CORO7: variants seen among roughly 807,000 people sequenced by gnomAD.
CORO7 encodes the protein coronin-7.
In CORO7, 107 loss-of-function variants were observed where a neutral mutation model predicts 126.6. That is an observed-to-expected ratio of 0.85 (90% CI 0.72 to 0.99). The LOEUF is 0.99. Ranked by LOEUF, CORO7 falls within the 50% of genes least tolerant of loss-of-function variation. The pLI is 0.00. For synonymous variants in CORO7, 603 were observed against 536.8 expected (o/e 1.12, Z -1.70); for missense variants, 1,314 against 1,255.8 (o/e 1.05, Z -0.70).
At chr16:4,403,052 TC>T (rs1205174194) in intron 6 of CORO7, among the ~76,000 whole-genome samples, 2 of 151,832 alleles carry the variant, frequency 1.3e-5, no homozygotes, top group African/African-American at 4.8e-5. Flanking sequence ...TGGTGGAAAG[TC>T]CCATGACCCC....
At chr16:4,379,257 G>A (rs1490395265) in intron 9 of CORO7, among the ~76,000 whole-genome samples, 2 of 152,068 alleles carry the variant, frequency 1.3e-5, no homozygotes, top group Non-Finnish European at 2.9e-5. Context: ...CACTGGGCAG[G>A]ATGCTTCCTG....
At chr16:4,406,177 T>A (rs913179687) in intron 5 of CORO7, among the ~76,000 whole-genome samples, 2 of 152,178 alleles carry the variant, frequency 1.3e-5, no homozygotes, top group East Asian at 3.9e-4. Flanking sequence ...TTTTTGTATT[T>A]TTAGCAGGGA....
At chr16:4,388,152 G>C (rs775424151) in intron 8 of CORO7, 84 bp from the exon 9 acceptor site, 12 of 1,525,230 alleles carry the variant, frequency 7.9e-6, no homozygotes, top group Non-Finnish European at 1.1e-5. Context: ...AGCGCCTGAG[G>C]GTGCAGCCTG....
At chr16:4,381,156 C>G in intron 9 of CORO7, 2 of 1,611,054 alleles carry the variant, frequency 1.2e-6, no homozygotes, top group Middle Eastern at 1.7e-4. Context: ...GCCTGCCCAG[C>G]GGGGTCTTCC....
intron 26 of CORO7, chr16:4,356,475 C>T (rs994098990): frequency 6.6e-6 from 1 of 151,712 alleles, no homozygotes; most frequent in African/African-American, 2.4e-5. Flanking sequence ...CTCTGTCACC[C>T]AGGCTGGAGT....
Position 4,412,226 on chromosome 16 carries a change from G to A in CORO7, c.232+130C>T, listed in dbSNP as rs958954283. The A allele has an allele frequency of 5.2e-6, 5 of 958,618 alleles. No homozygotes were observed. The African/African-American group carries it at 8.1e-5, about 15-fold the overall frequency. 59.4% of individuals were successfully genotyped at this position (958,618 alleles called of 1,614,324 possible). ...TCTGAGCCCCACTGTCTCTCAGAGA[G>A]TGCACAGACAGGGCGACAGGAGGGA... On this transcript the variant is annotated intron_variant, in intron 3 of 27. Coordinates refer to ENST00000251166, the MANE Select transcript of CORO7 (RefSeq NM_024535.5).
intron 9 of CORO7, among the ~76,000 whole-genome samples, chr16:4,385,661 G>C (rs2055171205): frequency 6.6e-6 from 1 of 152,166 alleles, no homozygotes; most frequent in Non-Finnish European, 1.5e-5. Context: ...AGCACAGACA[G>C]GACCTTGGTG....
chr16:4,413,571 TC>T (rs1384984612), intron 1 of CORO7, 167 bp from the exon 2 acceptor site: 3 of 598,670 alleles, frequency 5.0e-6, no homozygotes, highest in Non-Finnish European at 8.4e-6. Flanking sequence ...AGGGTCTCAC[TC>T]TGTCACCCAG....
At chr16:4,389,150 C>T (rs1419008856) in intron 7 of CORO7, among the ~76,000 whole-genome samples, 4 of 152,214 alleles carry the variant, frequency 2.6e-5, no homozygotes, top group African/African-American at 9.6e-5. Context: ...TCGAGGATCA[C>T]TGTGGCTGCC....
intron 9 of CORO7, among the ~76,000 whole-genome samples, chr16:4,387,523 C>CCCACCT (rs1163063610): frequency 9.3e-5 from 14 of 150,088 alleles, no homozygotes; most frequent in South Asian, 4.2e-4. Flanking sequence ...TAAGCCAAGG[C>CCCACCT]CCACCTCCAC....
chr16:4,369,003 A>T (rs1033996411), intron 9 of CORO7, among the ~76,000 whole-genome samples: 15 of 152,170 alleles, frequency 9.9e-5, no homozygotes, highest in Non-Finnish European at 1.5e-4. Context: ...ACCTCATGGC[A>T]TCAGAGGCTC....
intron 6 of CORO7, among the ~76,000 whole-genome samples, chr16:4,396,476 C>A (rs1002618109): frequency 2.0e-5 from 3 of 152,176 alleles, no homozygotes; most frequent in Non-Finnish European, 2.9e-5. Flanking sequence ...TGTGTGACCA[C>A]GATCCTGTTT....
intron 9 of CORO7, among the ~76,000 whole-genome samples, chr16:4,372,683 T>G (rs1320345257): frequency 6.6e-6 from 1 of 152,198 alleles, no homozygotes; most frequent in African/African-American, 2.4e-5. Context: ...CTGGCAGTGC[T>G]GGGGCCTGAG....
intron 9 of CORO7, chr16:4,387,763 C>G: frequency 1.7e-6 from 1 of 594,788 alleles, no homozygotes; most frequent in Non-Finnish European, 3.0e-6. Context: ...GCCCACTCTG[C>G]TACCAGGGGC....
chr16:4,409,358 G>T (rs2056118525), intron 3 of CORO7, among the ~76,000 whole-genome samples: 1 of 152,246 alleles, frequency 6.6e-6, no homozygotes, highest in Non-Finnish European at 1.5e-5. Flanking sequence ...TGTGCTTGCT[G>T]GGCCCTGCAG....
chr16:4,358,015 T>G lies in CORO7; in HGVS notation c.2546A>C (p.Asn849Thr). 2 of 1,612,926 alleles carry G rather than the reference T, an allele frequency of 1.2e-6. No homozygotes were observed. The highest frequency in any genetic ancestry group is 8.5e-7 in the Non-Finnish European group (1 of 1,179,364). Residue 849 changes from asparagine to threonine, a missense_variant, in exon 25 of 28, where the codon AAT (asparagine) becomes ACT (threonine). Asn to Thr is a moderately conservative substitution (Grantham distance 65). Transcript: ENST00000251166. ...CAGGCTGAGAAGCCAGGGCTGCCCA[T>G]TAGCGCCTTGCAGCCAGGCCTCGGC... ...LSAEAWLQGA[N>T]GQPWLLSLQP...
intron 21 of CORO7, 26 bp from the exon 22 acceptor site, chr16:4,359,647 C>T: frequency 1.3e-6 from 2 of 1,570,054 alleles, no homozygotes; most frequent in South Asian, 2.4e-5. Flanking sequence ...GGGGCTGAAG[C>T]AGGTGTTTCA....
At chr16:4,399,209 G>A (rs1333042876) in intron 6 of CORO7, among the ~76,000 whole-genome samples, 2 of 152,136 alleles carry the variant, frequency 1.3e-5, no homozygotes, top group East Asian at 1.9e-4. Flanking sequence ...AGCACTACTC[G>A]CAATAGCCAA....
chr16:4,406,086 G>C (rs1392454458), intron 5 of CORO7, among the ~76,000 whole-genome samples: 1 of 151,844 alleles, frequency 6.6e-6, no homozygotes, highest in African/African-American at 2.4e-5. Context: ...TGCAATCTCC[G>C]CCTCCTGGGT....
Sources: gnomAD v4.1 joint callset for allele counts (sites outside exome capture counted in the v4.1 genomes callset) on GRCh38, gnomAD v4.1.1 for gene constraint, MANE v1.5 for transcripts, NCBI Gene and HGNC (gene_info 2026-07-23, HGNC 2026-07-21) for gene names.